The following SCN1A variants were observed in gnomAD, a reference collection of about 807,000 sequenced individuals.
SCN1A encodes sodium voltage-gated channel alpha subunit 1.
A neutral mutation model predicts 193.7 loss-of-function variants in SCN1A; 13 were observed. That is an observed-to-expected ratio of 0.07 (90% CI 0.04 to 0.11). SCN1A has a LOEUF of 0.11. SCN1A is among the 10% of genes least tolerant of loss of function. The pLI is 1.00. For synonymous variants in SCN1A, 781 were observed against 843.6 expected, an observed-to-expected ratio of 0.93 and a Z score of 1.29; for missense variants, 1,432 against 2,451.1, an observed-to-expected ratio of 0.58 and a Z score of 8.78.
intron 21 of SCN1A, among the ~76,000 whole-genome samples, chr2:166,013,218 C>A (rs75292374): frequency 0.027 from 4,100 of 151,576 alleles, 213 homozygotes; most frequent in African/African-American, 0.095. Context: ...TTAAATGAAT[C>A]TCTTGGGCAT....
At position 165,989,946 on chromosome 2, in the gene SCN1A, A is replaced by G. The variant is rs1688912740; in HGVS notation, c.*1299T>C. On this transcript the variant is annotated 3_prime_UTR_variant, in exon 29 of 29. Coordinates refer to ENST00000674923, the MANE Select transcript of SCN1A (RefSeq NM_001165963.4). ...ACTTAAAATGTAAAAATAACCAAAAAGCTGTTAAAGTGCTGCAAACTATTG... is the reference window on the plus strand; with the variant it reads ...ACTTAAAATGTAAAAATAACCAAAAGGCTGTTAAAGTGCTGCAAACTATTG... The G allele has an allele frequency of 6.6e-6, 1 of 152,620 alleles. No individual in the cohort carries two copies. The highest frequency in any genetic ancestry group is 1.5e-5 in the Non-Finnish European group (1 of 68,044). 9.5% of individuals were successfully genotyped at this position (152,620 alleles called of 1,614,324 possible).
Position 166,034,986 on chromosome 2 carries a change from G to C in SCN1A, c.3429+1062C>G, listed in dbSNP as rs1371255007. Among the ~76,000 whole-genome samples the C allele has an allele frequency of 2.0e-5, 3 of 152,048 alleles. No homozygotes were observed. The East Asian group carries it at 5.8e-4, about 29-fold the overall frequency. ...TCTGGACTATGAGAAAATAAATTTT[G>C]GTTGTTTAAGCCACCCAGTTATGGT... is the stretch of plus-strand genomic sequence containing the variant. On this transcript the variant is annotated intron_variant, in intron 19 of 28. Coordinates refer to ENST00000674923, the MANE Select transcript of SCN1A (RefSeq NM_001165963.4).
intron 22 of SCN1A, 120 bp downstream of exon 22, chr2:166,011,989 G>A (rs565470659): frequency 1.3e-5 from 11 of 854,392 alleles, no homozygotes; most frequent in African/African-American, 3.4e-5. Flanking sequence ...GCATATATGC[G>A]TTTAGTGGTT....
At chr2:166,146,530 G>T (rs1360455311) in intron 1 of SCN1A, among the ~76,000 whole-genome samples, 1 of 152,150 alleles carries the variant, frequency 6.6e-6, no homozygotes, top group Non-Finnish European at 1.5e-5. Flanking sequence ...ACAACTGAGG[G>T]TTTCTATGGA....
At chr2:166,130,127 C>T (rs1027114478), upstream of SCN1A, among the ~76,000 whole-genome samples, 1 of 152,138 alleles carries the variant, frequency 6.6e-6, no homozygotes, top group African/African-American at 2.4e-5. Context: ...GATGTTGAGT[C>T]CCATGATAAA....
intron 16 of SCN1A, 44 bp from the exon 17 acceptor site, chr2:166,039,640 A>G: frequency 2.0e-6 from 3 of 1,506,048 alleles, no homozygotes; most frequent in Non-Finnish European, 2.8e-6. Context: ...AGATAATAAC[A>G]TACATGACAT....
rs924849129 is a variant in SCN1A, at chr2:165,989,520, A to G, written c.*1725T>C. 7 of 152,212 alleles carry G rather than the reference A, an allele frequency of 4.6e-5. No individual in the cohort carries two copies. Among genetic ancestry groups the G allele is most frequent in the African/African-American group, 1.7e-4 (7 of 41,448 alleles). 9.4% of individuals were successfully genotyped at this position (152,212 alleles called of 1,614,324 possible). On this transcript the variant is annotated 3_prime_UTR_variant, in exon 29 of 29. Coordinates refer to ENST00000674923, the MANE Select transcript of SCN1A (RefSeq NM_001165963.4). ...ATTCAGTTAGTGCAGGTACTACCAGAAATATAAATAAAATTTTAAACCCTT... is the reference window on the plus strand; with the variant it reads ...ATTCAGTTAGTGCAGGTACTACCAGGAATATAAATAAAATTTTAAACCCTT...
At chr2:166,122,563 A>G (rs1174493368) in intron 2 of SCN1A, among the ~76,000 whole-genome samples, 1 of 152,200 alleles carries the variant, frequency 6.6e-6, no homozygotes, top group Non-Finnish European at 1.5e-5. Flanking sequence ...CCACTGTAAG[A>G]AATAATTGAT....
intron 2 of SCN1A, among the ~76,000 whole-genome samples, chr2:166,116,994 A>G (rs1482957298): frequency 2.0e-5 from 3 of 152,314 alleles, no homozygotes. Flanking sequence ...AAACCCTGTA[A>G]GTTTTGAGAA....
rs1688793051 is a variant in SCN1A, at chr2:165,989,051, TGTGTGTGTGTGTGTGTGCGCGCGC to T, written c.*2170_*2193del. 1 of 61,130 alleles carries T rather than the reference TGTGTGTGTGTGTGTGTGCGCGCGC, an allele frequency of 1.6e-5. No individual in the cohort carries two copies. The highest frequency in any genetic ancestry group is 2.7e-4 in the Admixed American group (1 of 3,670). The allele number at this position is 61,130 out of a possible 1,614,324, so 3.8% of individuals were successfully genotyped here. A position where few individuals can be genotyped will look rare whatever the true frequency, so the allele number is the denominator to read the frequency against. ...CTCTGTGTGTGTGTGTGTGTGTGTG[TGTGTGTGTGTGTGTGTGCGCGCGC>T]GCTCCCCTTCTCCCCCAATTTGTAA... On this transcript the variant is annotated 3_prime_UTR_variant, in exon 29 of 29. Transcript: ENST00000674923.
chr2:166,043,562 C>T lies in SCN1A; in HGVS notation c.2043+107G>A, dbSNP rs111489104. ...ATATTACAAGATGCAGGTGCATTCA[C>T]AGCGTGACCAACCAGGAATCATTCT... On this transcript the variant is annotated intron_variant, in intron 14 of 28. Transcript: ENST00000674923. The T allele has an allele frequency of 5.4e-3, 7,063 of 1,296,106 alleles. 349 individuals carry two copies. The African/African-American group carries it at 0.095, about 17-fold the overall frequency. 80.3% of individuals were successfully genotyped at this position (1,296,106 alleles called of 1,614,324 possible).
chr2:166,086,701 T>G (rs1686159956), intron 2 of SCN1A, among the ~76,000 whole-genome samples: 1 of 152,200 alleles, frequency 6.6e-6, no homozygotes, highest in Admixed American at 6.5e-5. Context: ...TTTATGAACC[T>G]CATCATTCTT....
chr2:166,050,613 G>GTATATATATATA (rs368513344), intron 9 of SCN1A, among the ~76,000 whole-genome samples: 1,554 of 64,998 alleles, frequency 0.024, 71 homozygotes, highest in African/African-American at 0.029. Context: ...ATTAAAAAAA[G>GTATATATATATA]TATATATATA....
At chr2:166,039,910 CTTTTTTTTTTTTTTTTTTT>C (rs10523688) in intron 16 of SCN1A, among the ~76,000 whole-genome samples, 3 of 110,876 alleles carry the variant, frequency 2.7e-5, no homozygotes, top group Admixed American at 9.8e-5. Context: ...TACAAGTCAT[CTTTTTTTTTTTTTTTTTTT>C]TTTTTTTTTT....
chr2:165,994,020 G>T, intron 28 of SCN1A, 126 bp downstream of exon 28: 2 of 801,550 alleles, frequency 2.5e-6, no homozygotes, highest in South Asian at 1.8e-5. Context: ...AAACACACTT[G>T]GATAAAATGT....
intron 2 of SCN1A, among the ~76,000 whole-genome samples, chr2:166,084,451 C>T (rs1685879512): frequency 6.6e-6 from 1 of 152,082 alleles, no homozygotes; most frequent in African/African-American, 2.4e-5. Context: ...GCCTATGGTG[C>T]TGGTAAAGCC....
chr2:166,144,958 T>G (rs1476580777), intron 1 of SCN1A, among the ~76,000 whole-genome samples: 1 of 151,442 alleles, frequency 6.6e-6, no homozygotes, highest in Admixed American at 6.6e-5. Context: ...TTCAAGCGAT[T>G]CTCCTGCCTC....
intron 19 of SCN1A, among the ~76,000 whole-genome samples, chr2:166,022,553 G>A (rs761498145): frequency 6.6e-6 from 1 of 152,122 alleles, no homozygotes; most frequent in Non-Finnish European, 1.5e-5. Context: ...ACAGTCTGTA[G>A]TAAGCAGAAT....
At chr2:166,018,461 A>G (rs1421584346) in intron 19 of SCN1A, among the ~76,000 whole-genome samples, 1 of 152,062 alleles carries the variant, frequency 6.6e-6, no homozygotes, top group South Asian at 2.1e-4. Context: ...CAACAGTTCA[A>G]TAAGTTTTAA....
Sources: gnomAD v4.1 joint callset for allele counts (sites outside exome capture counted in the v4.1 genomes callset) on GRCh38, gnomAD v4.1.1 for gene constraint, MANE v1.5 for transcripts, NCBI Gene and HGNC (gene_info 2026-07-23, HGNC 2026-07-21) for gene names.